SAMTOR: variants seen among roughly 807,000 people sequenced by gnomAD.
SAMTOR encodes the protein S-adenosylmethionine sensor upstream of mTORC1, also known as UPF0532 protein C7orf60.
chr7:112,829,877 C>A, the SAMTOR span, among the ~76,000 whole-genome samples: 1 of 152,152 alleles, frequency 6.6e-6, no homozygotes, highest in African/African-American at 2.4e-5. Flanking sequence ...CTCTGTGTGA[C>A]TGCTGGCCAC....
chr7:112,862,224 C>T, the SAMTOR span, among the ~76,000 whole-genome samples: 1 of 152,196 alleles, frequency 6.6e-6, no homozygotes, highest in South Asian at 2.1e-4. Flanking sequence ...CACTGCACTC[C>T]AGCCTGGGCG....
chr7:112,920,774 A>G, the SAMTOR span, among the ~76,000 whole-genome samples: 4 of 151,570 alleles, frequency 2.6e-5, no homozygotes, highest in Non-Finnish European at 2.9e-5. Context: ...AAATCAATGT[A>G]CAAAAATCAC....
At chr7:112,890,692 C>G in the SAMTOR span, among the ~76,000 whole-genome samples, 2 of 143,996 alleles carry the variant, frequency 1.4e-5, no homozygotes, top group African/African-American at 2.5e-5. Context: ...TATATGAATA[C>G]TTTTTTTTTT....
chr7:112,913,836 A>G, the SAMTOR span, among the ~76,000 whole-genome samples: 3 of 152,156 alleles, frequency 2.0e-5, no homozygotes, highest in Admixed American at 6.5e-5. Context: ...CAACAGTGAA[A>G]CCCTCTTCCC....
chr7:112,937,195 CAGCCATGTTTGGGAAT>C, the SAMTOR span, among the ~76,000 whole-genome samples: 1 of 152,132 alleles, frequency 6.6e-6, no homozygotes, highest in Admixed American at 6.5e-5. Context: ...ATCTGCTGAT[CAGCCATGTTTGGGAAT>C]CACTGCTAAA....
At chr7:112,920,253 G>C in the SAMTOR span, among the ~76,000 whole-genome samples, 1 of 152,170 alleles carries the variant, frequency 6.6e-6, no homozygotes. Context: ...TATCCGCCAT[G>C]ATCAAGTGGG....
At chr7:112,892,174 A>C in the SAMTOR span, among the ~76,000 whole-genome samples, 1 of 151,208 alleles carries the variant, frequency 6.6e-6, no homozygotes, top group Non-Finnish European at 1.5e-5. Context: ...ATCCATAAGA[A>C]ACGACTCCTC....
At chr7:112,924,358 A>G in the SAMTOR span, among the ~76,000 whole-genome samples, 1 of 152,170 alleles carries the variant, frequency 6.6e-6, no homozygotes, top group East Asian at 1.9e-4. Context: ...CCAATATTTA[A>G]CTATTCAAAT....
chr7:112,898,883 C>G, the SAMTOR span, among the ~76,000 whole-genome samples: 2 of 152,320 alleles, frequency 1.3e-5, no homozygotes, highest in Non-Finnish European at 1.5e-5. Context: ...AGAGTGCCCT[C>G]TAGTGCTGAA....
the SAMTOR span, among the ~76,000 whole-genome samples, chr7:112,938,297 T>C: frequency 6.6e-6 from 1 of 152,218 alleles, no homozygotes; most frequent in African/African-American, 2.4e-5. Flanking sequence ...TCTATTGCTA[T>C]CTGTTAAACA....
At chr7:112,922,372 C>T in the SAMTOR span, among the ~76,000 whole-genome samples, 150 of 152,328 alleles carry the variant, frequency 9.8e-4, no homozygotes, top group African/African-American at 3.4e-3. Context: ...TCTGCCCAGC[C>T]GCCACCCTGT....
At chr7:112,928,042 A>G in the SAMTOR span, among the ~76,000 whole-genome samples, 3 of 152,038 alleles carry the variant, frequency 2.0e-5, no homozygotes, top group African/African-American at 7.2e-5. Flanking sequence ...TAAAAGGACA[A>G]TGACAACTAG....
At chr7:112,902,425 A>AAC in the SAMTOR span, among the ~76,000 whole-genome samples, 165 of 99,956 alleles carry the variant, frequency 1.7e-3, 9 homozygotes, top group Middle Eastern at 0.011. Context: ...TCAAAAAAAA[A>AAC]AAACAAAAAA....
At chr7:112,855,866 C>T in the SAMTOR span, among the ~76,000 whole-genome samples, 2 of 151,934 alleles carry the variant, frequency 1.3e-5, no homozygotes, top group East Asian at 3.9e-4. Flanking sequence ...GAAGCGGGGG[C>T]ATCTTCAGAA....
chr7:112,903,330 G>A, the SAMTOR span, among the ~76,000 whole-genome samples: 5 of 149,538 alleles, frequency 3.3e-5, no homozygotes, highest in East Asian at 3.9e-4. Context: ...AAAAAAAGTC[G>A]TATCATAAAA....
At chr7:112,876,709 T>G in the SAMTOR span, among the ~76,000 whole-genome samples, 1 of 152,192 alleles carries the variant, frequency 6.6e-6, no homozygotes, top group African/African-American at 2.4e-5. Context: ...TTTCTTAAGA[T>G]GTTAAGATGG....
chr7:112,926,660 GTA>G, the SAMTOR span, among the ~76,000 whole-genome samples: 2 of 152,084 alleles, frequency 1.3e-5, no homozygotes, highest in African/African-American at 4.8e-5. Flanking sequence ...AGATGCACCT[GTA>G]TATATTTTTC....
chr7:112,835,473 A>G, the SAMTOR span, among the ~76,000 whole-genome samples: 1 of 152,242 alleles, frequency 6.6e-6, no homozygotes, highest in Admixed American at 6.5e-5. Context: ...TACCCTTAAT[A>G]AAGTTGAAGT....
the SAMTOR span, among the ~76,000 whole-genome samples, chr7:112,881,240 G>A: frequency 2.6e-5 from 4 of 152,214 alleles, no homozygotes; most frequent in Non-Finnish European, 5.9e-5. Flanking sequence ...GACGAGCATA[G>A]GAGGGAGGCC....
Sources: allele counts gnomAD v4.1 joint callset (sites outside exome capture counted in the v4.1 genomes callset), GRCh38; gene constraint gnomAD v4.1.1; transcripts MANE v1.5; gene names NCBI Gene and HGNC (gene_info 2026-07-23, HGNC 2026-07-21).